The following GASK1A variants were observed in gnomAD, a reference collection of about 807,000 sequenced individuals.
The protein encoded by GASK1A is golgi associated kinase 1A.
GASK1A carries 40 observed loss-of-function variants against 41.2 expected under a neutral mutation model. The ratio of observed to expected loss-of-function variants is 0.97; its 90% confidence interval spans 0.75 to 1.27. GASK1A has a LOEUF of 1.27. Ranked by LOEUF, GASK1A falls within the 50% of genes most tolerant of loss-of-function variation. The pLI is 0.00. For missense variants in GASK1A, 678 were observed against 745.1 expected, an observed-to-expected ratio of 0.91 and a Z score of 1.05; for synonymous variants, 316 against 307.1, an observed-to-expected ratio of 1.03 and a Z score of -0.30.
intron 2 of GASK1A, among the ~76,000 whole-genome samples, chr3:43,042,523 G>C (rs548482145): frequency 6.6e-6 from 1 of 152,230 alleles, no homozygotes; most frequent in African/African-American, 2.4e-5. Flanking sequence ...TTTCAGGAAT[G>C]GATGTGTAAT....
chr3:43,033,602 T>G, intron 2 of GASK1A, 49 bp downstream of exon 2: 1 of 1,454,358 alleles, frequency 6.9e-7, no homozygotes. Flanking sequence ...GGTAGGGGGT[T>G]CTGGGTGGAG....
Position 42,979,449 on chromosome 3 carries a change from C to T in GASK1A, c.-194C>T. ...GAGTATCCCGGTGTGCAGCGATCTC[C>T]CGAGAGTTGGCGCAGGGCCACTTGG... On this transcript the variant is annotated 5_prime_UTR_variant, in exon 1 of 5. Coordinates refer to ENST00000430121, the MANE Select transcript of GASK1A (RefSeq NM_001129908.3). The T allele has an allele frequency of 2.1e-6, 1 of 468,382 alleles. No individual in the cohort carries two copies. The highest frequency in any genetic ancestry group is 3.5e-5 in the East Asian group (1 of 28,312). 29.0% of individuals were successfully genotyped at this position (468,382 alleles called of 1,614,324 possible).
chr3:42,994,676 C>T (rs1288979866), intron 1 of GASK1A, among the ~76,000 whole-genome samples: 1 of 152,104 alleles, frequency 6.6e-6, no homozygotes, highest in Non-Finnish European at 1.5e-5. Flanking sequence ...TCAGACACTG[C>T]CAGGCACTTC....
At chr3:43,033,646 A>T in intron 2 of GASK1A, 93 bp downstream of exon 2, 1 of 1,171,894 alleles carries the variant, frequency 8.5e-7, no homozygotes, top group Non-Finnish European at 1.1e-6. Context: ...TTAGATGGTG[A>T]CTCTCCCCCA....
rs1257294582 is a variant in GASK1A at position 43,032,499 on chromosome 3, G to A, written c.236G>A (p.Arg79Lys). 6.5e-7 allele frequency: 1 copy of A among 1,550,358 alleles called. No homozygotes were observed. The highest frequency in any genetic ancestry group is 1.2e-5 in the South Asian group (1 of 84,036). ...RQRARNMGFW[R>K]SRALPRNSIL... ...CGGGCAAGAAACATGGGCTTCTGGA[G>A]AAGCCGTGCTTTGCCCAGGAACTCC... Residue 79 changes from arginine to lysine, a missense_variant, in exon 2 of 5, where the codon AGA becomes AAA. By Grantham distance (26) the Arg-to-Lys change is conservative. Transcript: ENST00000430121.
chr3:42,995,857 AC>A (rs1163246214), intron 1 of GASK1A, among the ~76,000 whole-genome samples: 1 of 152,090 alleles, frequency 6.6e-6, no homozygotes, highest in African/African-American at 2.4e-5. Context: ...AGCAATCCCC[AC>A]CCCCTCTTGA....
chr3:43,050,641 A>G (rs1196940238), intron 2 of GASK1A, among the ~76,000 whole-genome samples: 1 of 151,924 alleles, frequency 6.6e-6, no homozygotes, highest in Non-Finnish European at 1.5e-5. Flanking sequence ...AACTCCTCTT[A>G]TATATATGTT....
intron 1 of GASK1A, among the ~76,000 whole-genome samples, chr3:43,010,235 C>CCACTGAGTTATTGT (rs2089456765): frequency 6.6e-6 from 1 of 152,164 alleles, no homozygotes; most frequent in Non-Finnish European, 1.5e-5. Context: ...CCTACAATAA[C>CCACTGAGTTATTGT]AGAAACCACT....
intron 1 of GASK1A, among the ~76,000 whole-genome samples, chr3:42,992,620 C>A (rs1271570055): frequency 1.3e-5 from 2 of 152,100 alleles, no homozygotes; most frequent in Non-Finnish European, 1.5e-5. Flanking sequence ...GGGATGTATG[C>A]CAAAGAGGGG....
At chr3:43,026,828 C>A (rs1320749426) in intron 1 of GASK1A, among the ~76,000 whole-genome samples, 1 of 151,998 alleles carries the variant, frequency 6.6e-6, no homozygotes, top group Non-Finnish European at 1.5e-5. Flanking sequence ...AAAATAAAGT[C>A]ATGGAATGGA....
intron 2 of GASK1A, among the ~76,000 whole-genome samples, chr3:43,038,307 C>T (rs1180069170): frequency 1.3e-5 from 2 of 152,076 alleles, no homozygotes; most frequent in South Asian, 2.1e-4. Flanking sequence ...TCCTTTCTTC[C>T]ATTCTTATCA....
At position 43,057,183 on chromosome 3, in the gene GASK1A, G is replaced by T. The variant is rs1261044035; in HGVS notation, c.*797G>T. 6.6e-6 allele frequency: 1 copy of T among 152,284 alleles called. No individual in the cohort carries two copies. Among genetic ancestry groups the T allele is most frequent in the South Asian group, 2.1e-4 (1 of 4,820 alleles). The allele number at this position is 152,284 out of a possible 1,614,324, so 9.4% of individuals were successfully genotyped here. On this transcript the variant is annotated 3_prime_UTR_variant, in exon 5 of 5. Transcript: ENST00000430121. ...GTGACTGCATGAAATTCCAAGGCAG[G>T]GATGTGTCATATTTTCTTTAGCTGG...
At chr3:43,006,150 T>C (rs7633590) in intron 1 of GASK1A, among the ~76,000 whole-genome samples, 57,688 of 151,968 alleles carry the variant, frequency 0.38, 11,452 homozygotes, top group Non-Finnish European at 0.45. Context: ...CATCAATTTC[T>C]TTCTTTGGAA....
At chr3:43,055,135 G>A (rs1240237264) in intron 3 of GASK1A, among the ~76,000 whole-genome samples, 1 of 152,196 alleles carries the variant, frequency 6.6e-6, no homozygotes, top group African/African-American at 2.4e-5. Context: ...CTTACTAGCT[G>A]TGTGATTTTG....
chr3:43,029,405 C>G (rs1559403855), intron 1 of GASK1A, among the ~76,000 whole-genome samples: 2 of 152,104 alleles, frequency 1.3e-5, no homozygotes, highest in Non-Finnish European at 2.9e-5. Context: ...CAGCTGTGTT[C>G]TGCTACAGGT....
intron 1 of GASK1A, among the ~76,000 whole-genome samples, chr3:42,995,260 C>A (rs1399771584): frequency 6.6e-6 from 1 of 152,154 alleles, no homozygotes; most frequent in Non-Finnish European, 1.5e-5. Flanking sequence ...AAATGAGATG[C>A]CAAAGGCAAC....
In GASK1A at chr3:42,983,880, A is replaced by T. The variant is rs141650446; in HGVS notation, c.3+4235A>T. 4.2e-3 allele frequency among the ~76,000 whole-genome samples: 636 copies of T among 152,274 alleles called. 3 individuals carry two copies. Among genetic ancestry groups the T allele is most frequent in the Middle Eastern group, 0.017 (5 of 294 alleles). On this transcript the variant is annotated intron_variant, in intron 1 of 4. Coordinates refer to ENST00000430121, the MANE Select transcript of GASK1A (RefSeq NM_001129908.3). The stretch of plus-strand genomic sequence containing the variant: ...ACAGAGGTTGATCCAAAAAACAGGG[A>T]TGTCGGGGGTGGTGGGAACAGGCCT...
intron 1 of GASK1A, among the ~76,000 whole-genome samples, chr3:42,998,567 C>T (rs1048197007): frequency 1.6e-4 from 25 of 152,200 alleles, no homozygotes; most frequent in Non-Finnish European, 2.9e-4. Context: ...GGTGCTAAAC[C>T]TTCCACCATT....
intron 1 of GASK1A, among the ~76,000 whole-genome samples, chr3:42,994,804 G>C (rs1256370738): frequency 6.6e-6 from 1 of 151,814 alleles, no homozygotes; most frequent in Non-Finnish European, 1.5e-5. Context: ...ATCCACCACA[G>C]TGTAGATGTG....
Sources: gnomAD v4.1 joint callset for allele counts (sites outside exome capture counted in the v4.1 genomes callset) on GRCh38, gnomAD v4.1.1 for gene constraint, MANE v1.5 for transcripts, NCBI Gene and HGNC (gene_info 2026-07-23, HGNC 2026-07-21) for gene names.